The following ACACA variants were observed in gnomAD, a reference collection of about 807,000 sequenced individuals.
ACACA encodes acetyl-CoA carboxylase 1.
Under a neutral mutation model 296.1 loss-of-function variants are expected in ACACA, and 103 were observed. The observed-to-expected ratio is 0.35, with a 90% confidence interval of 0.30 to 0.41. The LOEUF (loss-of-function observed/expected upper bound fraction) is 0.41. Ranked by LOEUF, ACACA falls within the 10% of genes least tolerant of loss-of-function variation. ACACA has a pLI of 1.00. For synonymous variants in ACACA, 953 were observed against 1,038.6 expected (o/e 0.92, Z 1.58); for missense variants, 1,554 against 2,989.7 (o/e 0.52, Z 11.20).
At chr17:37,270,963 T>TA in intron 9 of ACACA, 102 bp from the exon 10 acceptor site, 2 of 801,126 alleles carry the variant, frequency 2.5e-6, no homozygotes, top group Non-Finnish European at 2.2e-6. Flanking sequence ...ATTTAGTAAT[T>TA]CTAAATACAA....
rs1288845675 is a variant in ACACA at position 37,121,450 on chromosome 17, G to A, written c.6179C>T (p.Ala2060Val). The change falls in exon 50 of 56, where the codon GCG (alanine) becomes GTG (valine). Residue 2060 changes from alanine to valine, a missense_variant. Around this residue, in one of 16 missense-constraint regions of ACACA, gnomAD observed 553 missense variants for 1,043.6 expected, o/e 0.53. Transcript: ENST00000616317. ...CTTGATGGCCTGATACGTCTTAAAC[G>A]CAGAATCTGGGAACCAAACCTGGCC... is the stretch of plus-strand genomic sequence containing the variant. The part of the protein sequence containing the change: ...QAGQVWFPDS[A>V]FKTYQAIKDF... 2.5e-6 allele frequency: 4 copies of A among 1,614,014 alleles called. No individual in the cohort carries two copies. The highest frequency in any genetic ancestry group is 3.4e-6 in the Non-Finnish European group (4 of 1,180,034).
chr17:37,126,854 G>C (rs1211136647), intron 47 of ACACA, among the ~76,000 whole-genome samples: 1 of 152,152 alleles, frequency 6.6e-6, no homozygotes, highest in Non-Finnish European at 1.5e-5. Flanking sequence ...TTTAGATTCT[G>C]GTCTTGTGTT....
At chr17:37,395,650 C>T (rs998265578) in intron 1 of ACACA, among the ~76,000 whole-genome samples, 1 of 152,050 alleles carries the variant, frequency 6.6e-6, no homozygotes, top group African/African-American at 2.4e-5. Context: ...CAAACCAATT[C>T]TCTTGCCTCA....
chr17:37,122,897 C>T (rs890376031), intron 48 of ACACA: 2 of 538,720 alleles, frequency 3.7e-6, no homozygotes, highest in Non-Finnish European at 6.7e-6. Flanking sequence ...TCTAGGGGAG[C>T]CTCTACATTT....
Position 37,226,336 on chromosome 17 carries a change from T to C in ACACA, c.3360+3A>G, listed in dbSNP as rs1293843995. On this transcript the variant is annotated splice_donor_region_variant and intron_variant, in intron 26 of 55. Coordinates refer to ENST00000616317, the MANE Select transcript of ACACA (RefSeq NM_198834.3). ...CTTTAAGAAAACCAACAAATGTCCT[T>C]ACCTGGCGTGCTCGAAGTGCTACTT... 2 of 1,611,208 alleles carry C rather than the reference T, an allele frequency of 1.2e-6. No individual in the cohort carries two copies. Among genetic ancestry groups the C allele is most frequent in the Non-Finnish European group, 8.5e-7 (1 of 1,177,326 alleles).
At chr17:37,353,895 C>T (rs796934330) in intron 1 of ACACA, among the ~76,000 whole-genome samples, 7 of 152,054 alleles carry the variant, frequency 4.6e-5, no homozygotes, top group African/African-American at 1.7e-4. Context: ...ATTGCTTGAG[C>T]CTAGGAGTTC....
chr17:37,206,023 C>T (rs2078483870), intron 32 of ACACA, 151 bp from the exon 33 acceptor site: 2 of 696,258 alleles, frequency 2.9e-6, no homozygotes, highest in Non-Finnish European at 2.6e-6. Flanking sequence ...CAAATTGAAA[C>T]CACTGCCCAA....
intron 1 of ACACA, among the ~76,000 whole-genome samples, chr17:37,375,392 C>A (rs2049962239): frequency 6.6e-6 from 1 of 152,046 alleles, no homozygotes; most frequent in Admixed American, 6.6e-5. Flanking sequence ...GAGGCTGAGG[C>A]AGGAGAATGG....
intron 3 of ACACA, among the ~76,000 whole-genome samples, chr17:37,299,939 G>A (rs888521457): frequency 6.6e-6 from 1 of 152,180 alleles, no homozygotes; most frequent in African/African-American, 2.4e-5. Flanking sequence ...ACTGCACGGT[G>A]GGGAAAAGCA....
At chr17:37,400,336 T>A (rs2147847530) in intron 1 of ACACA, among the ~76,000 whole-genome samples, 1 of 152,168 alleles carries the variant, frequency 6.6e-6, no homozygotes, top group South Asian at 2.1e-4. Flanking sequence ...GCCAGGCTGG[T>A]CTCAAACCCC....
intron 29 of ACACA, among the ~76,000 whole-genome samples, chr17:37,212,220 T>TA (rs1462307098): frequency 6.6e-6 from 1 of 152,162 alleles, no homozygotes; most frequent in African/African-American, 2.4e-5. Flanking sequence ...CCTAATCTAA[T>TA]AAAATAATCT....
intron 43 of ACACA, among the ~76,000 whole-genome samples, chr17:37,154,577 A>G (rs556126860): frequency 6.6e-6 from 1 of 152,078 alleles, no homozygotes; most frequent in African/African-American, 2.4e-5. Flanking sequence ...GCTCACTGCA[A>G]CCTCTACCTC....
intron 3 of ACACA, among the ~76,000 whole-genome samples, chr17:37,293,647 A>G (rs1272446102): frequency 1.3e-5 from 2 of 151,110 alleles, no homozygotes; most frequent in African/African-American, 2.4e-5. Flanking sequence ...GGTTCAAGCA[A>G]TTCTCCAGCC....
intron 33 of ACACA, among the ~76,000 whole-genome samples, chr17:37,201,338 G>T (rs2078238677): frequency 6.6e-6 from 1 of 151,958 alleles, no homozygotes; most frequent in Non-Finnish European, 1.5e-5. Flanking sequence ...CTACTTGAGA[G>T]AATGAGGCAT....
At chr17:37,222,253 T>C (rs2079329417) in intron 28 of ACACA, among the ~76,000 whole-genome samples, 1 of 152,148 alleles carries the variant, frequency 6.6e-6, no homozygotes, top group Non-Finnish European at 1.5e-5. Context: ...AGAGTGAAAA[T>C]AGAAGACACA....
chr17:37,124,029 A>G (rs1019432367), intron 48 of ACACA, among the ~76,000 whole-genome samples: 4 of 152,234 alleles, frequency 2.6e-5, no homozygotes, highest in Non-Finnish European at 5.9e-5. Context: ...ACAAGGTGCC[A>G]TGGAATAATA....
At chr17:37,291,955 T>C (rs1340385351) in intron 3 of ACACA, among the ~76,000 whole-genome samples, 4 of 152,088 alleles carry the variant, frequency 2.6e-5, no homozygotes, top group Admixed American at 2.6e-4. Flanking sequence ...AATGTGAAGA[T>C]ACTAGAATGT....
intron 52 of ACACA, among the ~76,000 whole-genome samples, chr17:37,100,965 C>A (rs2142825135): frequency 6.6e-6 from 1 of 152,010 alleles, no homozygotes; most frequent in South Asian, 2.1e-4. Flanking sequence ...GGCATGGTGG[C>A]ACATGCTTGC....
chr17:37,167,006 G>A (rs1206307275), intron 41 of ACACA, among the ~76,000 whole-genome samples: 1 of 151,710 alleles, frequency 6.6e-6, no homozygotes, highest in African/African-American at 2.4e-5. Flanking sequence ...GTGCAGTAGC[G>A]TGATCTCGGG....
Sources: gnomAD v4.1 joint callset for allele counts (sites outside exome capture counted in the v4.1 genomes callset) on GRCh38, gnomAD v4.1.1 for gene constraint, gnomAD v4.1.1 regional missense constraint, MANE v1.5 for transcripts, NCBI Gene and HGNC (gene_info 2026-07-23, HGNC 2026-07-21) for gene names.